DNAH9: variants seen among roughly 807,000 people sequenced by gnomAD.
The protein encoded by DNAH9 is DNAH9 variant protein.
Under a neutral mutation model 471.6 loss-of-function variants are expected in DNAH9, and 345 were observed. The observed-to-expected ratio is 0.73, with a 90% CI of 0.67 to 0.80. The LOEUF is 0.80. Among genes scored for constraint, DNAH9 ranks in the 30% least tolerant of loss-of-function variants. DNAH9 has a pLI of 0.00. For missense variants in DNAH9, 5,407 were observed against 5,609.2 expected, an observed-to-expected ratio of 0.96 and a Z score of 1.15; for synonymous variants, 2,093 against 2,123.6, an observed-to-expected ratio of 0.99 and a Z score of 0.40.
Position 11,892,942 on chromosome 17 carries a change from G to A in DNAH9, c.11283+995G>A, listed in dbSNP as rs1005285351. 2.6e-5 allele frequency among the ~76,000 whole-genome samples: 4 copies of A among 151,904 alleles called. No homozygotes were observed. The highest frequency in any genetic ancestry group is 2.6e-4 in the Admixed American group (4 of 15,232). On this transcript the variant is annotated intron_variant, in intron 58 of 68. Coordinates refer to ENST00000262442, the MANE Select transcript of DNAH9 (RefSeq NM_001372.4). The surrounding 1 kb of genome is among the most constrained non-coding windows in gnomAD (Gnocchi z 4.3). ...ATTGGGAGCACAGACTAATTATCTC[G>A]AAGGCCCTTTCCTTGAATCTTCTGA...
At chr17:11,704,555 G>A in intron 25 of DNAH9, 113 bp downstream of exon 25, 1 of 1,021,362 alleles carries the variant, frequency 9.8e-7, no homozygotes, top group Non-Finnish European at 1.4e-6. Flanking sequence ...CCAGACAGCT[G>A]GGGGAGGATC....
At position 11,679,875 on chromosome 17, in the gene DNAH9, C is replaced by T. The variant is rs8070501; in HGVS notation, c.3472C>T (p.Arg1158Trp). The change falls in exon 18 of 69, where the codon CGG becomes TGG. Residue 1158 changes from arginine (R) to tryptophan (W), a missense_variant. Physicochemically the swap from Arg to Trp is moderately radical, Grantham distance 101. This residue lies in a region of DNAH9 where 4,636 missense variants were observed against 4,900.3 expected (regional missense o/e 0.95). Coordinates refer to ENST00000262442, the MANE Select transcript of DNAH9 (RefSeq NM_001372.4). ...IMGHLMAVKE[R>W]QSNTDEMFEP... ...GGGACACCTTATGGCTGTTAAAGAACGGCAGAGTAACACTGATGAGATGTT... is the reference window on the plus strand; with the variant it reads ...GGGACACCTTATGGCTGTTAAAGAATGGCAGAGTAACACTGATGAGATGTT... The T allele has an allele frequency of 2.1e-3, 3,341 of 1,613,988 alleles. 75 individuals are homozygous for T. The African/African-American group carries it at 0.039, about 19-fold the overall frequency.
intron 41 of DNAH9, among the ~76,000 whole-genome samples, chr17:11,788,355 G>A (rs889446930): frequency 5.3e-5 from 8 of 152,170 alleles, no homozygotes; most frequent in African/African-American, 1.9e-4. Context: ...TTTTATCAAA[G>A]TGTAACATAC....
chr17:11,925,144 C>T (rs1298037889), intron 62 of DNAH9: 2 of 454,864 alleles, frequency 4.4e-6, no homozygotes, highest in Non-Finnish European at 8.8e-6. Flanking sequence ...ACTGTATTCT[C>T]CACCAAATTT....
At chr17:11,853,151 G>T (rs367577459) in intron 49 of DNAH9, 25 of 151,586 alleles carry the variant, frequency 1.6e-4, no homozygotes, top group African/African-American at 4.6e-4. Flanking sequence ...CTGTATCCAG[G>T]GTAACTGAGC....
intron 41 of DNAH9, among the ~76,000 whole-genome samples, chr17:11,792,036 C>T (rs1015643251): frequency 6.6e-6 from 1 of 152,028 alleles, no homozygotes; most frequent in Non-Finnish European, 1.5e-5. Context: ...AATCCCAGCA[C>T]TCTGGGGGGC....
chr17:11,699,523 T>A (rs1161145504), intron 22 of DNAH9, among the ~76,000 whole-genome samples: 1 of 152,210 alleles, frequency 6.6e-6, no homozygotes, highest in Non-Finnish European at 1.5e-5. Flanking sequence ...CTCTCACTAG[T>A]TTTATTCAGT....
Position 11,745,006 on chromosome 17 carries a change from A to G in DNAH9, c.6321A>G (p.Arg2107=). ...LFPALDVPRR[R]DPNFEALVRK... ...CCGCCCTGGATGTCCCCCGGAGGAG[A>G]GACCCCAACTTCGAAGCTTTGGTTA... Residue 2107 remains arginine, a synonymous_variant, in exon 31 of 69, where the codon AGA becomes AGG. Coordinates refer to ENST00000262442, the MANE Select transcript of DNAH9 (RefSeq NM_001372.4). The G allele has an allele frequency of 4.3e-6, 7 of 1,614,126 alleles. No individual in the cohort carries two copies. The highest frequency in any genetic ancestry group is 5.9e-6 in the Non-Finnish European group (7 of 1,179,974).
chr17:11,845,845 AT>A (rs1256020035), intron 49 of DNAH9, among the ~76,000 whole-genome samples: 13 of 139,608 alleles, frequency 9.3e-5, no homozygotes, highest in Admixed American at 5.6e-4. Flanking sequence ...CCACTTTTTG[AT>A]GGGGTTGTTT....
At chr17:11,883,065 C>G (rs955954781) in intron 55 of DNAH9, 2 of 987,322 alleles carry the variant, frequency 2.0e-6, no homozygotes, top group East Asian at 2.3e-4. Context: ...AGATGAGATC[C>G]ACTTGGATAC....
chr17:11,678,516 C>T (rs2074083987), intron 17 of DNAH9, among the ~76,000 whole-genome samples: 1 of 152,154 alleles, frequency 6.6e-6, no homozygotes, highest in South Asian at 2.1e-4. Flanking sequence ...CATAAATTCT[C>T]TTTGATTATT....
In DNAH9 at chr17:11,598,925, G is replaced by A; in HGVS notation, c.417+10G>A. On this transcript the variant is annotated intron_variant, in intron 1 of 68. Transcript: ENST00000262442. ...CGCGCTGTTCTCGGAGGTGAGGGTG[G>A]GTTAGTGTCCCCGCGCGGCTAAAGC... 6.7e-7 allele frequency: 1 copy of A among 1,498,100 alleles called. No homozygotes were observed. The highest frequency in any genetic ancestry group is 2.7e-5 in the East Asian group (1 of 36,424). 92.8% of individuals were successfully genotyped at this position (1,498,100 alleles called of 1,614,324 possible).
intron 57 of DNAH9, among the ~76,000 whole-genome samples, chr17:11,887,940 G>C (rs1001186691): frequency 6.6e-6 from 1 of 151,770 alleles, no homozygotes; most frequent in Non-Finnish European, 1.5e-5. Flanking sequence ...TTAACTCAGA[G>C]TCTCTGCAGA....
At chr17:11,879,560 A>G (rs1972633123) in intron 53 of DNAH9, among the ~76,000 whole-genome samples, 2 of 152,184 alleles carry the variant, frequency 1.3e-5, no homozygotes, top group Admixed American at 1.3e-4. Flanking sequence ...CAAGCTATTT[A>G]CATATTTATT....
chr17:11,942,434 C>T lies in DNAH9; in HGVS notation c.12792C>T (p.Ile4264=), dbSNP rs776521538. The T allele has an allele frequency of 4.3e-6, 7 of 1,614,032 alleles. No individual in the cohort carries two copies. Among genetic ancestry groups the T allele is most frequent in the Non-Finnish European group, 5.9e-6 (7 of 1,180,040 alleles). The change falls in exon 67 of 69, where the codon ATC becomes ATT. Residue 4264 remains isoleucine, a synonymous_variant. Coordinates refer to ENST00000262442, the MANE Select transcript of DNAH9 (RefSeq NM_001372.4). The stretch of plus-strand genomic sequence containing the variant: ...TCCAGGAGTGTGGCCGGATGAATAT[C>T]CTCACCAGAGAGATTCAGCGCTCAC... ...VAFQECGRMN[I]LTREIQRSLR... is the part of the protein sequence containing the mutation.
chr17:11,778,397 TG>T (rs1191540084), intron 38 of DNAH9, among the ~76,000 whole-genome samples: 1 of 140,494 alleles, frequency 7.1e-6, no homozygotes, highest in Non-Finnish European at 1.5e-5. Context: ...ACGGGGTGCC[TG>T]GAGCAGAGCT....
At chr17:11,883,056 G>T (rs1463044779) in intron 55 of DNAH9, 1 of 987,266 alleles carries the variant, frequency 1.0e-6, no homozygotes. Context: ...GAGAGGAAGA[G>T]ATGAGATCCA....
chr17:11,847,529 G>A (rs531328663), intron 49 of DNAH9, among the ~76,000 whole-genome samples: 1 of 152,032 alleles, frequency 6.6e-6, no homozygotes, highest in Admixed American at 6.6e-5. Flanking sequence ...TGGGTGTGTG[G>A]CCTTATATTT....
In DNAH9 at chr17:11,892,055, G is replaced by T. The variant is rs1335055086; in HGVS notation, c.11283+108G>T. ...AACATCACTTTCCACAGCATGTCCAGACTATCTGTCTTTGGATAGAGGCAT... is the reference window on the plus strand; with the variant it reads ...AACATCACTTTCCACAGCATGTCCATACTATCTGTCTTTGGATAGAGGCAT... On this transcript the variant is annotated intron_variant, in intron 58 of 68. Transcript: ENST00000262442. This position sits in a 1 kb window ranked among gnomAD's most constrained non-coding sequence, Gnocchi z 4.3. 2.3e-6 allele frequency: 3 copies of T among 1,321,414 alleles called. No homozygotes were observed. Among genetic ancestry groups the T allele is most frequent in the Non-Finnish European group, 3.2e-6 (3 of 945,324 alleles). The allele number at this position is 1,321,414 out of a possible 1,614,324, so 81.9% of individuals were successfully genotyped here.
Sources: allele counts gnomAD v4.1 joint callset (sites outside exome capture counted in the v4.1 genomes callset), GRCh38; gene constraint gnomAD v4.1.1; regional missense constraint gnomAD v4.1.1; non-coding constraint Gnocchi (gnomAD v3.1); transcripts MANE v1.5; gene names NCBI Gene and HGNC (gene_info 2026-07-23, HGNC 2026-07-21).